HS3ST4: variants seen among roughly 807,000 people sequenced by gnomAD.
HS3ST4 encodes heparan sulfate-glucosamine 3-sulfotransferase 4.
In HS3ST4, 17 loss-of-function variants were observed where a neutral mutation model predicts 29.2. The ratio of observed to expected loss-of-function variants is 0.58; its 90% confidence interval spans 0.40 to 0.87. HS3ST4 has a LOEUF of 0.87. HS3ST4 is among the 40% of genes least tolerant of loss of function. The pLI, the probability that HS3ST4 is intolerant of heterozygous loss-of-function variation, is 0.00. For synonymous variants in HS3ST4, 314 were observed against 285.7 expected, an observed-to-expected ratio of 1.10 and a Z score of -1.00; for missense variants, 627 against 634.5, an observed-to-expected ratio of 0.99 and a Z score of 0.13.
chr16:26,046,321 T>C (rs1596661885), intron 1 of HS3ST4, among the ~76,000 whole-genome samples: 1 of 152,094 alleles, frequency 6.6e-6, no homozygotes, highest in Non-Finnish European at 1.5e-5. Context: ...CAGCTAATTT[T>C]TGTGTTTTTA....
intron 1 of HS3ST4, among the ~76,000 whole-genome samples, chr16:25,857,470 A>G (rs1223672680): frequency 6.6e-6 from 1 of 152,110 alleles, no homozygotes. Flanking sequence ...TGGTCATGAT[A>G]TATTTTTCTT....
intron 1 of HS3ST4, among the ~76,000 whole-genome samples, chr16:25,737,195 A>G (rs572950761): frequency 6.6e-6 from 1 of 152,346 alleles, no homozygotes; most frequent in East Asian, 1.9e-4. Context: ...CTTCATGGGA[A>G]CATGGGTGGA....
chr16:25,746,725 G>C (rs1966687926), intron 1 of HS3ST4, among the ~76,000 whole-genome samples: 1 of 151,478 alleles, frequency 6.6e-6, no homozygotes, highest in South Asian at 2.1e-4. Context: ...CTAATTTTTT[G>C]TATCTTTAGT....
chr16:25,806,178 T>TA (rs1966988830), intron 1 of HS3ST4, among the ~76,000 whole-genome samples: 1 of 152,220 alleles, frequency 6.6e-6, no homozygotes, highest in African/African-American at 2.4e-5. Context: ...TACTTCCAAA[T>TA]ACTTACCTCT....
chr16:25,721,964 T>C (rs1966499671), intron 1 of HS3ST4, among the ~76,000 whole-genome samples: 1 of 152,192 alleles, frequency 6.6e-6, no homozygotes, highest in African/African-American at 2.4e-5. Flanking sequence ...GGGGAGGCTT[T>C]TATACATCTT....
chr16:25,728,200 C>T (rs1170070598), intron 1 of HS3ST4, among the ~76,000 whole-genome samples: 3 of 152,170 alleles, frequency 2.0e-5, no homozygotes, highest in African/African-American at 7.2e-5. Context: ...CAGGGTTTCA[C>T]CATGTTGGCC....
chr16:26,058,469 A>G (rs1224086780), intron 1 of HS3ST4, among the ~76,000 whole-genome samples: 3 of 152,166 alleles, frequency 2.0e-5, no homozygotes, highest in Non-Finnish European at 4.4e-5. Flanking sequence ...TTGGCTGAGA[A>G]CACTGGGGGT....
chr16:25,925,607 G>A (rs1269231185), intron 1 of HS3ST4, among the ~76,000 whole-genome samples: 2 of 152,166 alleles, frequency 1.3e-5, no homozygotes, highest in Non-Finnish European at 2.9e-5. Context: ...TGCCAGTGAC[G>A]GGGAGGCTTT....
At position 25,739,374 on chromosome 16, in the gene HS3ST4, C is replaced by T. The variant is rs369492196; in HGVS notation, c.734+46223C>T. Among the ~76,000 whole-genome samples the T allele has an allele frequency of 1.0e-3, 151 of 147,168 alleles. 3 individuals carry two copies. The South Asian group carries it at 0.031, about 30-fold the overall frequency. On this transcript the variant is annotated intron_variant, in intron 1 of 1. Coordinates refer to ENST00000331351, the MANE Select transcript of HS3ST4 (RefSeq NM_006040.3). ...ACACAAACAAAAGCAAACAAATAAA[C>T]GAACAAAAAAAACTTGCTGAGTGAA...
chr16:25,881,605 G>T (rs1567263634), intron 1 of HS3ST4, among the ~76,000 whole-genome samples: 1 of 152,176 alleles, frequency 6.6e-6, no homozygotes, highest in South Asian at 2.1e-4. Context: ...TGTTTGGCAT[G>T]CAGACAGAGG....
intron 1 of HS3ST4, among the ~76,000 whole-genome samples, chr16:25,698,229 C>T (rs1409817532): frequency 6.6e-6 from 1 of 152,152 alleles, no homozygotes; most frequent in Non-Finnish European, 1.5e-5. Context: ...GAGGCCAGGA[C>T]AACATATGAG....
At chr16:26,135,281 C>T (rs1458231635) in intron 1 of HS3ST4, among the ~76,000 whole-genome samples, 1 of 152,154 alleles carries the variant, frequency 6.6e-6, no homozygotes, top group Non-Finnish European at 1.5e-5. Flanking sequence ...TCAGTGCTAT[C>T]ATTATCTCTG....
At chr16:25,939,942 C>G (rs1319300022) in intron 1 of HS3ST4, among the ~76,000 whole-genome samples, 1 of 152,140 alleles carries the variant, frequency 6.6e-6, no homozygotes, top group Non-Finnish European at 1.5e-5. Flanking sequence ...ACTCTGGACC[C>G]CAAAGTGCCC....
At chr16:25,787,632 C>A (rs895214159) in intron 1 of HS3ST4, among the ~76,000 whole-genome samples, 2 of 152,194 alleles carry the variant, frequency 1.3e-5, no homozygotes, top group African/African-American at 4.8e-5. Flanking sequence ...TAGGTCCTGC[C>A]TAAGAGTAAA....
At chr16:25,728,973 C>T (rs1966554323) in intron 1 of HS3ST4, among the ~76,000 whole-genome samples, 1 of 151,804 alleles carries the variant, frequency 6.6e-6, no homozygotes. Flanking sequence ...GTCCCAGCTA[C>T]TTGGGAGGCT....
chr16:25,749,432 C>T (rs1284794481), intron 1 of HS3ST4, among the ~76,000 whole-genome samples: 1 of 151,948 alleles, frequency 6.6e-6, no homozygotes, highest in African/African-American at 2.4e-5. Context: ...GAAGTTGAAG[C>T]CGCTATGAGC....
chr16:26,126,046 G>A (rs866860222), intron 1 of HS3ST4, among the ~76,000 whole-genome samples: 2 of 152,234 alleles, frequency 1.3e-5, no homozygotes, highest in Middle Eastern at 3.4e-3. Context: ...TGAAATTCAT[G>A]TTGCTACTTT....
intron 1 of HS3ST4, among the ~76,000 whole-genome samples, chr16:25,815,788 T>C (rs1004600663): frequency 6.6e-6 from 1 of 152,174 alleles, no homozygotes; most frequent in Middle Eastern, 3.2e-3. Context: ...CTTCCTTAAC[T>C]CACTCAACTC....
At chr16:25,923,209 TG>T (rs1429314582) in intron 1 of HS3ST4, among the ~76,000 whole-genome samples, 4 of 152,222 alleles carry the variant, frequency 2.6e-5, no homozygotes, top group Non-Finnish European at 2.9e-5. Context: ...TTCTCTTCTC[TG>T]GAACTTCTGA....
Sources: allele counts gnomAD v4.1 joint callset (sites outside exome capture counted in the v4.1 genomes callset), GRCh38; gene constraint gnomAD v4.1.1; transcripts MANE v1.5; gene names NCBI Gene and HGNC (gene_info 2026-07-23, HGNC 2026-07-21).